The following MED12L variants were observed in gnomAD, a reference collection of about 807,000 sequenced individuals.
The protein encoded by MED12L is mediator complex subunit 12L, also known as mediator of RNA polymerase II transcription subunit 12-like protein.
MED12L carries 60 observed loss-of-function variants against 281.3 expected under a neutral mutation model. The observed-to-expected ratio is 0.21, with a 90% CI of 0.17 to 0.26. The LOEUF is 0.26. Ranked by LOEUF, MED12L falls within the 10% of genes least tolerant of loss-of-function variation. The pLI, the probability that MED12L is intolerant of heterozygous loss-of-function variation, is 1.00. For synonymous variants in MED12L, 974 were observed against 987.2 expected, an observed-to-expected ratio of 0.99 and a Z score of 0.25; for missense variants, 2,146 against 2,680.9, an observed-to-expected ratio of 0.80 and a Z score of 4.41.
At chr3:151,205,725 A>G (rs960177838) in intron 16 of MED12L, among the ~76,000 whole-genome samples, 1 of 152,204 alleles carries the variant, frequency 6.6e-6, no homozygotes, top group South Asian at 2.1e-4. Flanking sequence ...AAGCCTGCAC[A>G]GTTAGACCCT....
Position 151,208,403 on chromosome 3 carries a change from T to C in MED12L, c.2250+14737T>C, listed in dbSNP as rs114772790. 2.0e-3 allele frequency among the ~76,000 whole-genome samples: 300 copies of C among 152,078 alleles called. 1 individual carries two copies. The highest frequency in any genetic ancestry group is 3.7e-3 in the Non-Finnish European group (252 of 67,970). On this transcript the variant is annotated intron_variant, in intron 16 of 44. Transcript: ENST00000687756. Reference sequence around the variant, plus strand: ...CCCTTTTAGCTTAGAAAATAGAACATTGAGGCCGGGCGCTCACGCCTGTCA... The same window carrying C: ...CCCTTTTAGCTTAGAAAATAGAACACTGAGGCCGGGCGCTCACGCCTGTCA...
chr3:151,381,520 AT>A (rs2108127223), intron 32 of MED12L, among the ~76,000 whole-genome samples: 1 of 152,206 alleles, frequency 6.6e-6, no homozygotes, highest in African/African-American at 2.4e-5. Flanking sequence ...GCAAATTCTC[AT>A]TTCAGTGCCT....
At position 151,116,427 on chromosome 3, in the gene MED12L, A is replaced by G; in HGVS notation, c.189A>G (p.Val63=). The change falls in exon 3 of 45, where the codon GTA becomes GTG. Residue 63 remains valine, a synonymous_variant. Transcript: ENST00000687756. Reference sequence around the variant, plus strand: ...AACATGGCTCAGCCAGAAATATTGTAATTAACCCATCAAAGGTAATGTTAT... The same window carrying G: ...AACATGGCTCAGCCAGAAATATTGTGATTAACCCATCAAAGGTAATGTTAT... ...GDEHGSARNI[V]INPSKIGAYF... is the part of the protein sequence containing the mutation. 1 of 1,610,032 alleles carries G rather than the reference A, an allele frequency of 6.2e-7. No individual in the cohort carries two copies.
chr3:151,216,430 G>A (rs1728233762), intron 16 of MED12L, among the ~76,000 whole-genome samples: 2 of 152,174 alleles, frequency 1.3e-5, no homozygotes, highest in South Asian at 2.1e-4. Context: ...TATGGAATAT[G>A]AAATACAGTC....
At chr3:151,395,727 A>G (rs909479573) in intron 39 of MED12L, among the ~76,000 whole-genome samples, 3 of 152,270 alleles carry the variant, frequency 2.0e-5, no homozygotes, top group African/African-American at 4.8e-5. Flanking sequence ...GGGTAACTCT[A>G]TGAGTTAGGT....
chr3:151,377,739 TAG>T (rs1413933317), intron 30 of MED12L, among the ~76,000 whole-genome samples: 4 of 152,186 alleles, frequency 2.6e-5, no homozygotes, highest in Non-Finnish European at 5.9e-5. Flanking sequence ...TGTTTTTAAT[TAG>T]AGAGAGGGGG....
At chr3:151,121,061 T>C (rs1181508668) in intron 3 of MED12L, among the ~76,000 whole-genome samples, 1 of 152,238 alleles carries the variant, frequency 6.6e-6, no homozygotes, top group Non-Finnish European at 1.5e-5. Context: ...TATTAAATAC[T>C]TAAAGATAAT....
chr3:151,272,178 A>G (rs1281288524), intron 16 of MED12L, among the ~76,000 whole-genome samples: 2 of 152,196 alleles, frequency 1.3e-5, no homozygotes, highest in Non-Finnish European at 2.9e-5. Context: ...ATAAACAGAA[A>G]AGGCTTTCTG....
At chr3:151,280,460 C>T (rs143840198) in intron 16 of MED12L, among the ~76,000 whole-genome samples, 1 of 152,156 alleles carries the variant, frequency 6.6e-6, no homozygotes, top group Non-Finnish European at 1.5e-5. Flanking sequence ...GATGTTACAT[C>T]AGGTTGCTGG....
intron 16 of MED12L, chr3:151,295,232 T>C (rs766806129): frequency 1.5e-4 from 236 of 1,559,128 alleles, no homozygotes; most frequent in Non-Finnish European, 1.9e-4. Context: ...AGTGGGGAGA[T>C]AGGACTTCAG....
chr3:151,309,908 T>C (rs1263551965), intron 16 of MED12L, among the ~76,000 whole-genome samples: 2 of 152,214 alleles, frequency 1.3e-5, no homozygotes, highest in African/African-American at 2.4e-5. Context: ...TTAACAATTT[T>C]TTTTTCTGCC....
intron 36 of MED12L, among the ~76,000 whole-genome samples, chr3:151,387,308 C>CT (rs1713564747): frequency 6.6e-6 from 1 of 151,756 alleles, no homozygotes; most frequent in African/African-American, 2.4e-5. Context: ...CAGAGTATGG[C>CT]TTATTAAGTA....
At chr3:151,110,948 A>G (rs1361865212) in intron 2 of MED12L, among the ~76,000 whole-genome samples, 1 of 152,174 alleles carries the variant, frequency 6.6e-6, no homozygotes, top group Non-Finnish European at 1.5e-5. Flanking sequence ...GGTTTTCTAG[A>G]GAGGCAGAAA....
chr3:151,389,590 G>A (rs1046841721), intron 37 of MED12L, among the ~76,000 whole-genome samples: 7 of 152,184 alleles, frequency 4.6e-5, no homozygotes, highest in East Asian at 1.9e-4. Context: ...GCTCTCTGGC[G>A]TAATTCTCCA....
intron 2 of MED12L, among the ~76,000 whole-genome samples, chr3:151,091,621 T>C (rs921605492): frequency 6.6e-6 from 1 of 152,250 alleles, no homozygotes; most frequent in Non-Finnish European, 1.5e-5. Flanking sequence ...TTGGTGTTCT[T>C]GTCCCAGAAT....
chr3:151,183,805 T>C (rs867475255), intron 11 of MED12L, among the ~76,000 whole-genome samples: 2 of 152,318 alleles, frequency 1.3e-5, no homozygotes, highest in Middle Eastern at 3.4e-3. Context: ...TTTAGTGTAA[T>C]CCTGAAGATG....
chr3:151,207,748 A>G (rs1423361829), intron 16 of MED12L, among the ~76,000 whole-genome samples: 1 of 152,174 alleles, frequency 6.6e-6, no homozygotes, highest in Non-Finnish European at 1.5e-5. Flanking sequence ...AGTGAGAAGC[A>G]ATAAGGATCT....
At chr3:151,325,182 C>T (rs56285930) in intron 16 of MED12L, among the ~76,000 whole-genome samples, 3,121 of 152,236 alleles carry the variant, frequency 0.021, 122 homozygotes, top group African/African-American at 0.072. Context: ...CTTTTGGCTT[C>T]CATGAATTGA....
At chr3:151,382,203 A>C (rs1577512435) in intron 32 of MED12L, among the ~76,000 whole-genome samples, 1 of 152,194 alleles carries the variant, frequency 6.6e-6, no homozygotes, top group South Asian at 2.1e-4. Context: ...CAAGGAAGAC[A>C]CATACATAAG....
Sources: allele counts gnomAD v4.1 joint callset (sites outside exome capture counted in the v4.1 genomes callset), GRCh38; gene constraint gnomAD v4.1.1; transcripts MANE v1.5; gene names NCBI Gene and HGNC (gene_info 2026-07-23, HGNC 2026-07-21).